MSRA: variants seen among roughly 807,000 people sequenced by gnomAD.
MSRA encodes methionine sulfoxide reductase A, also known as mitochondrial peptide methionine sulfoxide reductase.
In MSRA, 54 loss-of-function variants were observed where a neutral mutation model predicts 31.3. The ratio of observed to expected loss-of-function variants is 1.73; its 90% CI spans 1.39 to 2.17. The LOEUF is 2.17. MSRA is among the 30% of genes most tolerant of loss of function. MSRA has a pLI of 0.00. For missense variants in MSRA, 507 were observed against 300.9 expected (o/e 1.69, Z -5.07); for synonymous variants, 169 against 116.5 (o/e 1.45, Z -2.90).
intron 1 of MSRA, among the ~76,000 whole-genome samples, chr8:10,182,122 AGGT>A (rs1224160853): frequency 2.6e-5 from 4 of 152,006 alleles, no homozygotes; most frequent in Admixed American, 2.6e-4. Context: ...CTAGACAGGG[AGGT>A]GATTGAAAGG....
At chr8:10,116,813 C>T (rs1336404972) in intron 1 of MSRA, among the ~76,000 whole-genome samples, 1 of 152,052 alleles carries the variant, frequency 6.6e-6, no homozygotes, top group Non-Finnish European at 1.5e-5. Flanking sequence ...ACTAAAAATA[C>T]AAAAGTAGTC....
intron 2 of MSRA, among the ~76,000 whole-genome samples, chr8:10,233,999 G>A (rs1209853220): frequency 3.3e-5 from 5 of 152,126 alleles, no homozygotes; most frequent in South Asian, 2.1e-4. Context: ...GCCAATGATC[G>A]TGAGAAGACA....
chr8:10,198,941 G>A (rs1171009011), intron 1 of MSRA, among the ~76,000 whole-genome samples: 1 of 152,214 alleles, frequency 6.6e-6, no homozygotes, highest in Non-Finnish European at 1.5e-5. Flanking sequence ...TTGTCTCACT[G>A]AAGCCTGGTC....
chr8:10,136,295 G>C (rs374518141), intron 1 of MSRA, among the ~76,000 whole-genome samples: 75 of 152,274 alleles, frequency 4.9e-4, no homozygotes, highest in African/African-American at 1.7e-3. Flanking sequence ...ACTAGCTTCT[G>C]CTATCGGACT....
At chr8:10,420,736 C>T (rs1808763724) in intron 5 of MSRA, among the ~76,000 whole-genome samples, 2 of 152,090 alleles carry the variant, frequency 1.3e-5, no homozygotes, top group African/African-American at 4.8e-5. Context: ...TATCGGGGAA[C>T]AGGGAAGTTT....
At chr8:10,112,109 C>T (rs957091345) in intron 1 of MSRA, among the ~76,000 whole-genome samples, 1 of 151,940 alleles carries the variant, frequency 6.6e-6, no homozygotes. Flanking sequence ...TTGTAGTCAC[C>T]TCTGACACCC....
At chr8:10,169,730 G>C (rs980066064) in intron 1 of MSRA, among the ~76,000 whole-genome samples, 60 of 152,270 alleles carry the variant, frequency 3.9e-4, no homozygotes, top group African/African-American at 1.4e-3. Flanking sequence ...TATTGTAAAT[G>C]ATACCTTAAA....
chr8:10,333,902 A>T (rs1405148976), intron 5 of MSRA, among the ~76,000 whole-genome samples: 1 of 152,150 alleles, frequency 6.6e-6, no homozygotes, highest in Non-Finnish European at 1.5e-5. Context: ...TGTGAATGTC[A>T]GGTGAATTAA....
At chr8:10,083,461 G>T (rs1275431417) in intron 1 of MSRA, among the ~76,000 whole-genome samples, 1 of 152,148 alleles carries the variant, frequency 6.6e-6, no homozygotes, top group East Asian at 1.9e-4. Context: ...CAATGATGGA[G>T]AAATATTTGA....
intron 1 of MSRA, among the ~76,000 whole-genome samples, chr8:10,166,664 T>G (rs1439655385): frequency 1.3e-5 from 2 of 152,200 alleles, no homozygotes; most frequent in African/African-American, 4.8e-5. Flanking sequence ...CATTTTTCCC[T>G]CCAGCCTCTT....
At chr8:10,285,788 C>T (rs185382201) in intron 3 of MSRA, among the ~76,000 whole-genome samples, 2 of 152,202 alleles carry the variant, frequency 1.3e-5, no homozygotes, top group East Asian at 3.9e-4. Flanking sequence ...AAAATGTCAT[C>T]TAAGCTTATC....
intron 5 of MSRA, among the ~76,000 whole-genome samples, chr8:10,396,185 C>A (rs2129181859): frequency 6.6e-6 from 1 of 152,236 alleles, no homozygotes; most frequent in East Asian, 1.9e-4. Flanking sequence ...TATTGATGAT[C>A]TTTGTCCTTG....
At chr8:10,264,122 C>G (rs538274477) in intron 3 of MSRA, among the ~76,000 whole-genome samples, 45 of 152,280 alleles carry the variant, frequency 3.0e-4, no homozygotes, top group African/African-American at 1.0e-3. Flanking sequence ...ATTGATTACT[C>G]CAAAGCTTTG....
chr8:10,077,592 G>A (rs1387985655), intron 1 of MSRA, among the ~76,000 whole-genome samples: 1 of 149,442 alleles, frequency 6.7e-6, no homozygotes, highest in East Asian at 2.0e-4. Flanking sequence ...CTGAGTGTTG[G>A]AATTACAGCC....
chr8:10,354,823 T>C (rs1484612064), intron 5 of MSRA, among the ~76,000 whole-genome samples: 2 of 150,970 alleles, frequency 1.3e-5, no homozygotes, highest in African/African-American at 4.9e-5. Context: ...CACTATGTAG[T>C]CTCATTGAAT....
intron 5 of MSRA, among the ~76,000 whole-genome samples, chr8:10,390,943 T>C (rs1585660294): frequency 6.9e-6 from 1 of 144,078 alleles, no homozygotes; most frequent in Non-Finnish European, 1.5e-5. Flanking sequence ...GCCACTGCAC[T>C]CCAGCCTGGG....
At chr8:10,066,719 G>T (rs1168349414) in intron 1 of MSRA, among the ~76,000 whole-genome samples, 1 of 151,910 alleles carries the variant, frequency 6.6e-6, no homozygotes, top group Non-Finnish European at 1.5e-5. Context: ...ATTTTTAGTA[G>T]AGACTGGTTT....
At chr8:10,127,385 C>T (rs1039022147) in intron 1 of MSRA, among the ~76,000 whole-genome samples, 2 of 152,126 alleles carry the variant, frequency 1.3e-5, no homozygotes, top group African/African-American at 4.8e-5. Flanking sequence ...GTTTTGTAAA[C>T]AAATGAATAC....
Position 10,165,786 on chromosome 8 carries a change from C to T in MSRA, c.143-42047C>T, listed in dbSNP as rs1298823590. Among the ~76,000 whole-genome samples, 6 of 152,318 alleles carry T rather than the reference C, an allele frequency of 3.9e-5. No homozygotes were observed. In the South Asian group the frequency reaches 8.3e-4, roughly 21 times the overall value. ...CATTGCAGAGTCCTCCTCAGGATTG[C>T]AGCACGGGTGAAAAGCTTGCTGACA... is the stretch of plus-strand genomic sequence containing the variant. On this transcript the variant is annotated intron_variant, in intron 1 of 5. Transcript: ENST00000317173.
Sources: gnomAD v4.1 joint callset for allele counts (sites outside exome capture counted in the v4.1 genomes callset) on GRCh38, gnomAD v4.1.1 for gene constraint, MANE v1.5 for transcripts, NCBI Gene and HGNC (gene_info 2026-07-23, HGNC 2026-07-21) for gene names.